The following SHANK1 variants were observed in gnomAD, a reference collection of about 807,000 sequenced individuals.
SHANK1 encodes SH3 and multiple ankyrin repeat domains protein 1.
A neutral mutation model predicts 165.6 loss-of-function variants in SHANK1; 35 were observed. The ratio of observed to expected loss-of-function variants is 0.21; its 90% CI spans 0.16 to 0.28. SHANK1 has a LOEUF of 0.28. SHANK1 is among the 10% of genes least tolerant of loss of function. The pLI is 1.00. For synonymous variants in SHANK1, 1,428 were observed against 1,384.8 expected (o/e 1.03, Z -0.69); for missense variants, 2,681 against 3,036.4 (o/e 0.88, Z 2.75).
At chr19:50,665,899 G>GGT (rs1568426008) in intron 23 of SHANK1, among the ~76,000 whole-genome samples, 4 of 137,584 alleles carry the variant, frequency 2.9e-5, no homozygotes, top group Non-Finnish European at 6.3e-5. Context: ...TGGGTGTGGT[G>GGT]GCATGGGAGG....
rs1169275016 is a variant in SHANK1 at position 50,670,481 on chromosome 19, G to C, written c.2675-1196C>G. 6.6e-6 allele frequency among the ~76,000 whole-genome samples: 1 copy of C among 152,112 alleles called. No homozygotes were observed. The highest frequency in any genetic ancestry group is 1.5e-5 in the Non-Finnish European group (1 of 68,024). ...ATCTAGTCCCTTCACAGCAGCCAGA[G>C]GGTTTCTGTTAAAACCGAAGTCAGC... On this transcript the variant is annotated intron_variant, in intron 22 of 23. Coordinates refer to ENST00000293441, the MANE Select transcript of SHANK1 (RefSeq NM_016148.5). The surrounding 1 kb of genome is among the most constrained non-coding windows in gnomAD (Gnocchi z 4.1).
At position 50,719,743 on chromosome 19, in the gene SHANK1, C is replaced by T. The variant is rs1255488885; in HGVS notation, c.-381G>A. On this transcript the variant is annotated 5_prime_UTR_variant, in exon 1 of 24. Transcript: ENST00000293441. ...CCTCCTCTTCCTCGGGCCGCCGCCG[C>T]CGCCGCCCGCTCCGCGCCTCCTCTG... Among the ~76,000 whole-genome samples, 1 of 151,234 alleles carries T rather than the reference C, an allele frequency of 6.6e-6. No homozygotes were observed. The highest frequency in any genetic ancestry group is 2.4e-5 in the African/African-American group (1 of 41,240).
In SHANK1 at chr19:50,718,465, G is replaced by T. The variant is rs2089093907; in HGVS notation, c.-44+941C>A. ...AAAAGCTGGCTAGGGCCCCCCGCGC[G>T]TACGGCTGCCCCAGCCCCCCCGGGC... On this transcript the variant is annotated intron_variant, in intron 1 of 23. Transcript: ENST00000293441. The surrounding 1 kb of genome is among the most constrained non-coding windows in gnomAD (Gnocchi z 5.1). Among the ~76,000 whole-genome samples, 1 of 152,168 alleles carries T rather than the reference G, an allele frequency of 6.6e-6. No homozygotes were observed. The highest frequency in any genetic ancestry group is 1.5e-5 in the Non-Finnish European group (1 of 68,020).
At chr19:50,704,402 C>G in intron 9 of SHANK1, 35 bp downstream of exon 9, 2 of 1,598,880 alleles carry the variant, frequency 1.3e-6, no homozygotes, top group Non-Finnish European at 1.7e-6. Flanking sequence ...TTCCTTAGCC[C>G]TGGAAACTCC....
intron 15 of SHANK1, 61 bp from the exon 16 acceptor site, chr19:50,689,340 C>T (rs1986467313): frequency 7.9e-7 from 1 of 1,264,576 alleles, no homozygotes. Flanking sequence ...CATCATGAGA[C>T]ACAGAGGCTG....
rs1344432085 is a variant in SHANK1 at position 50,667,418 on chromosome 19, G to A, written c.4542C>T (p.Asp1514=). The A allele has an allele frequency of 1.3e-6, 2 of 1,518,392 alleles. No homozygotes were observed. Among genetic ancestry groups the A allele is most frequent in the African/African-American group, 1.4e-5 (1 of 73,094 alleles). 94.1% of individuals were successfully genotyped at this position (1,518,392 alleles called of 1,614,324 possible). ...VTSGRGPPSE[D]GPGVPPPSPR... ...GGCTGGGCGGCGGGACCCCCGGCCC[G>A]TCCTCCGAGGGGGGACCCCTTCCGC... Residue 1514 remains aspartate (D), a synonymous_variant, in exon 23 of 24, where the codon GAC becomes GAT. Coordinates refer to ENST00000293441, the MANE Select transcript of SHANK1 (RefSeq NM_016148.5). This position sits in a 1 kb window ranked among gnomAD's most constrained non-coding sequence, Gnocchi z 5.7.
At chr19:50,677,127 C>T (rs964842884) in intron 21 of SHANK1, among the ~76,000 whole-genome samples, 2 of 138,136 alleles carry the variant, frequency 1.4e-5, no homozygotes, top group Non-Finnish European at 3.1e-5. Flanking sequence ...CTATCTCATA[C>T]TTTTTTTTTT....
Position 50,716,849 on chromosome 19 carries a change from G to A in SHANK1, c.71C>T (p.Ser24Leu), listed in dbSNP as rs2123209455. The A allele has an allele frequency of 6.5e-7, 1 of 1,545,424 alleles. No homozygotes were observed. The highest frequency in any genetic ancestry group is 8.7e-7 in the Non-Finnish European group (1 of 1,149,342). The change falls in exon 2 of 24, where the codon TCA (serine) becomes TTA (leucine). Residue 24 changes from serine to leucine, a missense_variant. Coordinates refer to ENST00000293441, the MANE Select transcript of SHANK1 (RefSeq NM_016148.5). This position sits in a 1 kb window ranked among gnomAD's most constrained non-coding sequence, Gnocchi z 8.4. ...CCCGTCTGGGGAGCTGTCGGACTCT[G>A]AGCCCCCCTCGGGACACTCGCTGGC... Reference protein sequence around the residue: ...HSASECPEGGSESDSSPDGPG... With the variant: ...HSASECPEGGLESDSSPDGPG...
Position 50,716,706 on chromosome 19 carries a change from T to A in SHANK1, c.214A>T (p.Met72Leu). The stretch of plus-strand genomic sequence containing the variant: ...GGGATGCCAATCCTGAAGACCATCA[T>A]GCTGAAGTGGGCGTCGTCTGGGACG... Reference protein sequence around the residue: ...MSVPDDAHFSMMVFRIGIPDL... With the variant: ...MSVPDDAHFSLMVFRIGIPDL... The change falls in exon 2 of 24, where the codon ATG becomes TTG. Residue 72 changes from methionine (M) to leucine (L), a missense_variant. Around this residue, in one of 10 missense-constraint regions of SHANK1, gnomAD observed 189 missense variants for 440.9 expected, o/e 0.43. Transcript: ENST00000293441. This position sits in a 1 kb window ranked among gnomAD's most constrained non-coding sequence, Gnocchi z 8.4. The A allele has an allele frequency of 6.3e-7, 1 of 1,598,412 alleles. No homozygotes were observed. Among genetic ancestry groups the A allele is most frequent in the Non-Finnish European group, 8.5e-7 (1 of 1,173,138 alleles).
At position 50,718,950 on chromosome 19, in the gene SHANK1, G is replaced by A. The variant is rs1201499560; in HGVS notation, c.-44+456C>T. 6.6e-6 allele frequency among the ~76,000 whole-genome samples: 1 copy of A among 151,928 alleles called. No homozygotes were observed. The highest frequency in any genetic ancestry group is 1.5e-5 in the Non-Finnish European group (1 of 67,922). On this transcript the variant is annotated intron_variant, in intron 1 of 23. Coordinates refer to ENST00000293441, the MANE Select transcript of SHANK1 (RefSeq NM_016148.5). The surrounding 1 kb of genome is among the most constrained non-coding windows in gnomAD (Gnocchi z 5.1). The stretch of plus-strand genomic sequence containing the variant: ...AAGGGACTGGAGGAGCCTGGAAGGA[G>A]AAGCGGGAGCTGGAGGGGTCGAAAG...
Position 50,704,011 on chromosome 19 carries a change from T to C in SHANK1, c.1222+109A>G, listed in dbSNP as rs947318247. ...CAGACATTTTTGGTCCTCTAGGGTT[T>C]TCTCCATCCTATCCTGGCCCCCAAG... On this transcript the variant is annotated intron_variant, in intron 10 of 23. Coordinates refer to ENST00000293441, the MANE Select transcript of SHANK1 (RefSeq NM_016148.5). 1.8e-5 allele frequency: 21 copies of C among 1,184,852 alleles called. 1 individual carries two copies. The Admixed American group carries it at 4.0e-4, about 23-fold the overall frequency. 73.4% of individuals were successfully genotyped at this position (1,184,852 alleles called of 1,614,324 possible).
At chr19:50,704,094 T>C in intron 10 of SHANK1, 26 bp downstream of exon 10, 1 of 1,612,068 alleles carries the variant, frequency 6.2e-7, no homozygotes, top group Non-Finnish European at 8.5e-7. Flanking sequence ...AGGTTCTCTG[T>C]GCAGTCCGAG....
chr19:50,691,803 A>G (rs770196391), intron 15 of SHANK1, among the ~76,000 whole-genome samples: 9 of 152,178 alleles, frequency 5.9e-5, no homozygotes, highest in East Asian at 1.9e-4. Flanking sequence ...CAGCTTCCCA[A>G]GTACCTAGGA....
chr19:50,661,924 CAA>C lies in SHANK1; in HGVS notation c.*39_*40del, dbSNP rs1319570697. The C allele has an allele frequency of 1.2e-6, 2 of 1,610,376 alleles. No homozygotes were observed. The highest frequency in any genetic ancestry group is 1.3e-5 in the African/African-American group (1 of 74,842). On this transcript the variant is annotated 3_prime_UTR_variant, in exon 24 of 24. Transcript: ENST00000293441. ...TCAGAGGTCAAGAGGCCAGCAGGCT[CAA>C]GAGTTCTGTGGACGGGGCTGGTCCG...
At position 50,667,522 on chromosome 19, in the gene SHANK1, C is replaced by T. The variant is rs375860905; in HGVS notation, c.4438G>A (p.Ala1480Thr). Residue 1480 changes from alanine (A) to threonine (T), a missense_variant, in exon 23 of 24, where the codon GCA becomes ACA. Ala to Thr is a moderately conservative substitution (Grantham distance 58, BLOSUM62 0). Coordinates refer to ENST00000293441, the MANE Select transcript of SHANK1 (RefSeq NM_016148.5). The surrounding 1 kb of genome is among the most constrained non-coding windows in gnomAD (Gnocchi z 5.7). ...HPGVSKPWRS[A>T]APEEPERLPL... ...AGCCGCTCGGGTTCTTCGGGGGCTG[C>T]GGACCTCCAGGGCTTGCTTACTCCG... 2.9e-4 allele frequency: 432 copies of T among 1,514,228 alleles called. 1 individual carries two copies. Among genetic ancestry groups the T allele is most frequent in the Non-Finnish European group, 3.3e-4 (382 of 1,144,756 alleles). The allele number at this position is 1,514,228 out of a possible 1,614,324, so 93.8% of individuals were successfully genotyped here.
At chr19:50,678,031 C>A (rs572560843) in intron 21 of SHANK1, among the ~76,000 whole-genome samples, 1 of 152,344 alleles carries the variant, frequency 6.6e-6, no homozygotes, top group Non-Finnish European at 1.5e-5. Context: ...GAAGGAGACA[C>A]TCTTGTGTGA....
At chr19:50,689,452 T>A (rs1448852335) in intron 15 of SHANK1, 173 bp from the exon 16 acceptor site, 6 of 705,854 alleles carry the variant, frequency 8.5e-6, no homozygotes, top group Non-Finnish European at 1.6e-5. Flanking sequence ...CTAGCCCTGA[T>A]GGGCTTCCCC....
chr19:50,670,374 C>T lies in SHANK1; in HGVS notation c.2675-1089G>A, dbSNP rs1985746790. ...ACCCCTCCAGAGTCAACACCCTGGGCCAGCCACTATCATTTCCTATCTGGA... is the reference window on the plus strand; with the variant it reads ...ACCCCTCCAGAGTCAACACCCTGGGTCAGCCACTATCATTTCCTATCTGGA... On this transcript the variant is annotated intron_variant, in intron 22 of 23. Coordinates refer to ENST00000293441, the MANE Select transcript of SHANK1 (RefSeq NM_016148.5). The surrounding 1 kb of genome is among the most constrained non-coding windows in gnomAD (Gnocchi z 4.1). Among the ~76,000 whole-genome samples, 1 of 152,220 alleles carries T rather than the reference C, an allele frequency of 6.6e-6. No individual in the cohort carries two copies. Among genetic ancestry groups the T allele is most frequent in the Non-Finnish European group, 1.5e-5 (1 of 68,044 alleles).
Position 50,715,656 on chromosome 19 carries a change from C to T in SHANK1, c.531+3G>A. ...GGGATAGATGCCAGCAGGGTTTTCT[C>T]ACCTTCGTGTGCAACTTGGCCAGCT... On this transcript the variant is annotated splice_donor_region_variant and intron_variant, in intron 4 of 23. Transcript: ENST00000293441. The T allele has an allele frequency of 6.2e-7, 1 of 1,613,966 alleles. No homozygotes were observed.
Sources: gnomAD v4.1 joint callset for allele counts (sites outside exome capture counted in the v4.1 genomes callset) on GRCh38, gnomAD v4.1.1 for gene constraint, gnomAD v4.1.1 regional missense constraint, Gnocchi (gnomAD v3.1) non-coding constraint, MANE v1.5 for transcripts, NCBI Gene and HGNC (gene_info 2026-07-23, HGNC 2026-07-21) for gene names.